The following TMPRSS4 variants were observed in gnomAD, a reference collection of about 807,000 sequenced individuals.
TMPRSS4 encodes the protein transmembrane protease serine 4.
TMPRSS4 carries 45 observed loss-of-function variants against 56.4 expected under a neutral mutation model. That is an observed-to-expected ratio of 0.80 (90% CI 0.63 to 1.02). The LOEUF is 1.02. TMPRSS4 is among the 50% of genes least tolerant of loss of function. The pLI, the probability that TMPRSS4 is intolerant of heterozygous loss-of-function variation, is 0.00. For synonymous variants in TMPRSS4, 205 were observed against 211.0 expected (o/e 0.97, Z 0.25); for missense variants, 546 against 556.7 (o/e 0.98, Z 0.19).
At chr11:118,078,360 C>G (rs1944858172) in intron 1 of TMPRSS4, among the ~76,000 whole-genome samples, 1 of 152,202 alleles carries the variant, frequency 6.6e-6, no homozygotes, top group African/African-American at 2.4e-5. Flanking sequence ...AAGGAGAAGC[C>G]ACTGTCCAAG....
chr11:118,096,912 G>GAAAGA (rs1228634222), intron 2 of TMPRSS4, among the ~76,000 whole-genome samples: 1 of 9,380 alleles, frequency 1.1e-4, no homozygotes, highest in East Asian at 1.8e-3. Context: ...AGAAAGAAAG[G>GAAAGA]GAGAGAGAAA....
Position 118,077,321 on chromosome 11 carries a change from T to A in TMPRSS4, c.3+16T>A. 1 of 1,596,198 alleles carries A rather than the reference T, an allele frequency of 6.3e-7. No individual in the cohort carries two copies. Among genetic ancestry groups the A allele is most frequent in the Non-Finnish European group, 8.5e-7 (1 of 1,171,128 alleles). ...AGCCAGCATGGTGAGTGTGGGGCCCTCTGCTCCCAAGACACAGGAAGGGTG... is the reference window on the plus strand; with the variant it reads ...AGCCAGCATGGTGAGTGTGGGGCCCACTGCTCCCAAGACACAGGAAGGGTG... On this transcript the variant is annotated intron_variant, in intron 1 of 12. Coordinates refer to ENST00000437212, the MANE Select transcript of TMPRSS4 (RefSeq NM_019894.4).
At chr11:118,089,254 A>G (rs1945794491) in intron 1 of TMPRSS4, among the ~76,000 whole-genome samples, 1 of 152,142 alleles carries the variant, frequency 6.6e-6, no homozygotes, top group African/African-American at 2.4e-5. Context: ...TGTCTGTGTC[A>G]CAGATATTTG....
intron 8 of TMPRSS4, 111 bp downstream of exon 8, chr11:118,112,011 C>T (rs1349785619): frequency 4.9e-6 from 7 of 1,442,034 alleles, no homozygotes; most frequent in Non-Finnish European, 6.5e-6. Context: ...CCACTAGAGA[C>T]GTTTTCCAGG....
intron 2 of TMPRSS4, among the ~76,000 whole-genome samples, chr11:118,096,010 T>G (rs1446061237): frequency 1.3e-5 from 2 of 152,200 alleles, no homozygotes; most frequent in East Asian, 3.8e-4. Context: ...TGTCTGGTCT[T>G]GGACACAGGA....
At chr11:118,114,950 C>T in intron 10 of TMPRSS4, 23 bp downstream of exon 10, 3 of 1,580,178 alleles carry the variant, frequency 1.9e-6, no homozygotes, top group Non-Finnish European at 2.6e-6. Flanking sequence ...TGCAGGACCA[C>T]AGGGCAGGAG....
intron 9 of TMPRSS4, 86 bp downstream of exon 9, chr11:118,113,521 A>C: frequency 6.8e-7 from 1 of 1,478,934 alleles, no homozygotes; most frequent in Non-Finnish European, 9.3e-7. Context: ...CGCCCTTGGC[A>C]CATAATGTCT....
intron 1 of TMPRSS4, among the ~76,000 whole-genome samples, chr11:118,083,069 G>T (rs1291134449): frequency 6.6e-6 from 1 of 152,058 alleles, no homozygotes; most frequent in Non-Finnish European, 1.5e-5. Context: ...CTGCGCCGCT[G>T]CGGGGCTCGG....
intron 1 of TMPRSS4, among the ~76,000 whole-genome samples, chr11:118,082,895 T>C (rs1945259120): frequency 6.6e-6 from 1 of 152,204 alleles, no homozygotes; most frequent in Non-Finnish European, 1.5e-5. Context: ...AGAGGTCTTC[T>C]CGGCGAGTGG....
chr11:118,115,255 C>T lies in TMPRSS4; in HGVS notation c.1127C>T (p.Pro376Leu), dbSNP rs529812494. ...GAGAAGATGATGTGTGCAGGCATCC[C>T]GGAAGGGGGTGTGGACACCTGCCAG... ...VTEKMMCAGIPEGGVDTCQGD... is the reference protein window; with the variant it reads ...VTEKMMCAGILEGGVDTCQGD... Residue 376 changes from proline to leucine, a missense_variant, in exon 11 of 13, where the codon CCG becomes CTG. Coordinates refer to ENST00000437212, the MANE Select transcript of TMPRSS4 (RefSeq NM_019894.4). 1.2e-5 allele frequency: 20 copies of T among 1,612,588 alleles called. No individual in the cohort carries two copies. Among genetic ancestry groups the T allele is most frequent in the East Asian group, 4.5e-5 (2 of 44,854 alleles).
At chr11:118,091,218 G>C (rs755644765) in intron 1 of TMPRSS4, among the ~76,000 whole-genome samples, 1 of 152,118 alleles carries the variant, frequency 6.6e-6, no homozygotes, top group Non-Finnish European at 1.5e-5. Flanking sequence ...CACATTTGGC[G>C]TCTTTTTACC....
rs753970094 is a variant in TMPRSS4 at position 118,094,866 on chromosome 11, G to T, written c.43+11G>T. ...CTCTGAACAGCCTCGGTAAGTTCAGGTCCGGCTTTCATTCGTCCACCTTAG... is the reference window on the plus strand; with the variant it reads ...CTCTGAACAGCCTCGGTAAGTTCAGTTCCGGCTTTCATTCGTCCACCTTAG... On this transcript the variant is annotated intron_variant, in intron 2 of 12. Transcript: ENST00000437212. The T allele has an allele frequency of 6.2e-7, 1 of 1,611,800 alleles. No homozygotes were observed.
At chr11:118,088,453 T>C (rs986645474) in intron 1 of TMPRSS4, among the ~76,000 whole-genome samples, 1 of 152,194 alleles carries the variant, frequency 6.6e-6, no homozygotes, top group African/African-American at 2.4e-5. Context: ...GATCAGGCAA[T>C]GGCAGGTTTT....
At chr11:118,112,384 T>A (rs894735284) in intron 8 of TMPRSS4, among the ~76,000 whole-genome samples, 1 of 114,352 alleles carries the variant, frequency 8.7e-6, no homozygotes, top group Non-Finnish European at 1.7e-5. Context: ...CTTCACTTTT[T>A]TTTTTTTTTT....
Position 118,096,893 on chromosome 11 carries a change from A to G in TMPRSS4, c.43+2038A>G, listed in dbSNP as rs12223115. Among the ~76,000 whole-genome samples the G allele has an allele frequency of 2.5e-4, 13 of 52,770 alleles. 1 individual carries two copies. The South Asian group carries it at 4.4e-3, about 18-fold the overall frequency. The allele number at this position is 52,770 out of a possible 152,430, so 34.6% of individuals were successfully genotyped here. A position where few individuals can be genotyped will look rare whatever the true frequency, so the allele number is the denominator to read the frequency against. ...AAAGAAAGAAAGAAAGAAAGAAAGAAAGAAAGAAAGAAAGAAAGGGAGAGA... is the reference window on the plus strand; with the variant it reads ...AAAGAAAGAAAGAAAGAAAGAAAGAGAGAAAGAAAGAAAGAAAGGGAGAGA... On this transcript the variant is annotated intron_variant, in intron 2 of 12. Transcript: ENST00000437212.
At chr11:118,080,887 G>C (rs573808147) in intron 1 of TMPRSS4, among the ~76,000 whole-genome samples, 1 of 152,288 alleles carries the variant, frequency 6.6e-6, no homozygotes, top group African/African-American at 2.4e-5. Flanking sequence ...GAAAACATCA[G>C]CCTCAGTAAA....
At chr11:118,110,755 C>T (rs1454718260) in intron 7 of TMPRSS4, among the ~76,000 whole-genome samples, 1 of 152,206 alleles carries the variant, frequency 6.6e-6, no homozygotes. Flanking sequence ...GAATCTAACG[C>T]CACCTCTGAT....
chr11:118,120,551 C>T lies in TMPRSS4; in HGVS notation c.*2638C>T, dbSNP rs1375475997. 1 of 151,584 alleles carries T rather than the reference C, an allele frequency of 6.6e-6. No individual in the cohort carries two copies. Among genetic ancestry groups the T allele is most frequent in the Non-Finnish European group, 1.5e-5 (1 of 67,964 alleles). 9.4% of individuals were successfully genotyped at this position (151,584 alleles called of 1,614,324 possible). ...GGCAGATTTGAAAAAGAACTGAATA[C>T]AGCTTTTAGAAATAAAAACTATAAT... On this transcript the variant is annotated 3_prime_UTR_variant, in exon 13 of 13. Coordinates refer to ENST00000437212, the MANE Select transcript of TMPRSS4 (RefSeq NM_019894.4).
At chr11:118,080,040 A>G (rs372952039) in intron 1 of TMPRSS4, among the ~76,000 whole-genome samples, 67 of 152,228 alleles carry the variant, frequency 4.4e-4, no homozygotes, top group African/African-American at 1.6e-3. Context: ...GCCAGACACC[A>G]TTTAATCAGC....
Sources: gnomAD v4.1 joint callset for allele counts (sites outside exome capture counted in the v4.1 genomes callset) on GRCh38, gnomAD v4.1.1 for gene constraint, MANE v1.5 for transcripts, NCBI Gene and HGNC (gene_info 2026-07-23, HGNC 2026-07-21) for gene names.